RSF1: variants seen among roughly 807,000 people sequenced by gnomAD.
The protein encoded by RSF1 is HBV pX-associated protein 8.
In RSF1, 13 loss-of-function variants were observed where a neutral mutation model predicts 145.2. The ratio of observed to expected loss-of-function variants is 0.09; its 90% CI spans 0.06 to 0.14. The LOEUF (loss-of-function observed/expected upper bound fraction) is 0.14, where lower values mean the gene tolerates loss of function less well. Ranked by LOEUF, RSF1 falls within the 10% of genes least tolerant of loss-of-function variation. The pLI is 1.00. For missense variants in RSF1, 1,517 were observed against 1,718.2 expected (o/e 0.88, Z 2.07); for synonymous variants, 577 against 592.6 (o/e 0.97, Z 0.38).
chr11:77,698,698 T>C lies in RSF1; in HGVS notation c.2509-5A>G. On this transcript the variant is annotated splice_region_variant and splice_polypyrimidine_tract_variant and intron_variant, in intron 6 of 15. Coordinates refer to ENST00000308488, the MANE Select transcript of RSF1 (RefSeq NM_016578.4). Reference sequence around the variant, plus strand: ...AACTTTGCCTTTGGGTTTTACCTTGTATAAAATAAAAAAAATTGGGATAAT... The same window carrying C: ...AACTTTGCCTTTGGGTTTTACCTTGCATAAAATAAAAAAAATTGGGATAAT... 5 of 1,610,948 alleles carry C rather than the reference T, an allele frequency of 3.1e-6. No individual in the cohort carries two copies. Among genetic ancestry groups the C allele is most frequent in the Middle Eastern group, 1.7e-4 (1 of 6,056 alleles).
At chr11:77,762,341 T>A (rs1948184619) in intron 2 of RSF1, 1 of 152,138 alleles carries the variant, frequency 6.6e-6, no homozygotes, top group Non-Finnish European at 1.5e-5. Flanking sequence ...TCTCTCTCTT[T>A]CTCTCTCACT....
the RSF1 span, among the ~76,000 whole-genome samples, chr11:77,851,857 G>T: frequency 6.6e-6 from 1 of 151,972 alleles, no homozygotes; most frequent in Non-Finnish European, 1.5e-5. Context: ...ACCATCTCAG[G>T]TATTTCTTTA....
chr11:77,857,771 AC>A, the RSF1 span, among the ~76,000 whole-genome samples: 119 of 149,668 alleles, frequency 8.0e-4, no homozygotes, highest in African/African-American at 2.7e-3. Context: ...ATCTTGGCTC[AC>A]TGCAGCCTCC....
At chr11:77,723,356 G>A (rs1252491841) in intron 5 of RSF1, among the ~76,000 whole-genome samples, 13 of 152,118 alleles carry the variant, frequency 8.5e-5, no homozygotes, top group Non-Finnish European at 1.6e-4. Flanking sequence ...ATCTACTCAG[G>A]AAAGGCTGAA....
chr11:77,686,052 A>G (rs1959995642), intron 9 of RSF1, among the ~76,000 whole-genome samples: 1 of 152,104 alleles, frequency 6.6e-6, no homozygotes. Context: ...TACAGACTTG[A>G]GCCAATGACA....
At chr11:77,692,138 G>A (rs1200332355) in intron 8 of RSF1, among the ~76,000 whole-genome samples, 1 of 151,174 alleles carries the variant, frequency 6.6e-6, no homozygotes, top group African/African-American at 2.4e-5. Context: ...TGATCTGCCT[G>A]CCTTGGCCTC....
the RSF1 span, chr11:77,869,306 CTTTT>C: frequency 4.4e-4 from 53 of 120,366 alleles, no homozygotes; most frequent in South Asian, 4.4e-4. Context: ...TTATTTATCT[CTTTT>C]TCTTTTTTTT....
intron 5 of RSF1, chr11:77,702,717 G>A: frequency 2.8e-6 from 1 of 353,636 alleles, no homozygotes; most frequent in East Asian, 4.3e-5. Context: ...AAAAATTTAG[G>A]TTTCTGCTTT....
At chr11:77,813,545 C>T (rs1948750732) in intron 1 of RSF1, 2 of 719,828 alleles carry the variant, frequency 2.8e-6, no homozygotes, top group Admixed American at 3.6e-5. Context: ...GATTCTTTGC[C>T]TCTGCTCCTC....
In RSF1 at chr11:77,666,804, A is replaced by G; in HGVS notation, c.*113T>C. ...CAGGATTTGTTGAAATTTTTCTTCTAAAAGTCATTCTGTAGTGGAGTTTTC... is the reference window on the plus strand; with the variant it reads ...CAGGATTTGTTGAAATTTTTCTTCTGAAAGTCATTCTGTAGTGGAGTTTTC... On this transcript the variant is annotated 3_prime_UTR_variant, in exon 16 of 16. Coordinates refer to ENST00000308488, the MANE Select transcript of RSF1 (RefSeq NM_016578.4). 1 of 826,672 alleles carries G rather than the reference A, an allele frequency of 1.2e-6. No individual in the cohort carries two copies. Among genetic ancestry groups the G allele is most frequent in the Non-Finnish European group, 1.8e-6 (1 of 563,016 alleles). 51.2% of individuals were successfully genotyped at this position (826,672 alleles called of 1,614,324 possible). A position where few individuals can be genotyped will look rare whatever the true frequency, so the allele number is the denominator to read the frequency against.
intron 5 of RSF1, among the ~76,000 whole-genome samples, chr11:77,715,119 A>C (rs1202751848): frequency 3.9e-5 from 6 of 152,174 alleles, no homozygotes; most frequent in African/African-American, 1.4e-4. Flanking sequence ...GCAAGACCTT[A>C]TCTCTTAAAA....
chr11:77,738,097 C>T (rs926635846), intron 4 of RSF1, among the ~76,000 whole-genome samples: 1 of 152,198 alleles, frequency 6.6e-6, no homozygotes, highest in Non-Finnish European at 1.5e-5. Flanking sequence ...CCACTGCACT[C>T]CCGCCTGGGC....
intron 14 of RSF1, 59 bp from the exon 15 acceptor site, chr11:77,672,289 T>C (rs1959575701): frequency 7.2e-7 from 1 of 1,382,000 alleles, no homozygotes; most frequent in Admixed American, 2.4e-5. Flanking sequence ...AAATGTAGCT[T>C]AGGTTATAAA....
chr11:77,827,578 A>T, the RSF1 span, among the ~76,000 whole-genome samples: 1 of 152,236 alleles, frequency 6.6e-6, no homozygotes, highest in Non-Finnish European at 1.5e-5. Context: ...AAAATTCAAT[A>T]TTCTTTCATG....
the RSF1 span, among the ~76,000 whole-genome samples, chr11:77,848,583 C>T: frequency 4.6e-5 from 7 of 152,246 alleles, no homozygotes; most frequent in Non-Finnish European, 5.9e-5. Context: ...TGGTCTCGAA[C>T]GCCTGACCTC....
At position 77,667,079 on chromosome 11, in the gene RSF1, A is replaced by C. The variant is rs201485360; in HGVS notation, c.4164T>G (p.Thr1388=). ...TGTCCTTGGGGGTCTGAGACTTCTCAGTAGGCTTGCCAATCAAGTTCTCAA... is the reference window on the plus strand; with the variant it reads ...TGTCCTTGGGGGTCTGAGACTTCTCCGTAGGCTTGCCAATCAAGTTCTCAA... ...KAIENLIGKP[T]EKSQTPKDNS... The change falls in exon 16 of 16, where the codon ACT becomes ACG. Residue 1388 remains threonine, a synonymous_variant. Transcript: ENST00000308488. 6.2e-7 allele frequency: 1 copy of C among 1,614,198 alleles called. No individual in the cohort carries two copies. Among genetic ancestry groups the C allele is most frequent in the East Asian group, 2.2e-5 (1 of 44,880 alleles).
chr11:77,755,626 C>T (rs1386257845), intron 2 of RSF1, among the ~76,000 whole-genome samples: 1 of 151,376 alleles, frequency 6.6e-6, no homozygotes, highest in Non-Finnish European at 1.5e-5. Flanking sequence ...GTTGCCCAGG[C>T]TGGAGTGCCA....
intron 1 of RSF1, among the ~76,000 whole-genome samples, chr11:77,768,161 C>CTTTTTT (rs758401653): frequency 3.3e-5 from 4 of 122,786 alleles, no homozygotes; most frequent in African/African-American, 6.4e-5. Context: ...ATATTATCAG[C>CTTTTTT]TTTTTTTTTT....
At chr11:77,768,161 CTTTT>C (rs758401653) in intron 1 of RSF1, among the ~76,000 whole-genome samples, 4 of 122,810 alleles carry the variant, frequency 3.3e-5, no homozygotes, top group Non-Finnish European at 6.6e-5. Context: ...ATATTATCAG[CTTTT>C]TTTTTTTTTT....
Sources: gnomAD v4.1 joint callset for allele counts (sites outside exome capture counted in the v4.1 genomes callset) on GRCh38, gnomAD v4.1.1 for gene constraint, MANE v1.5 for transcripts, NCBI Gene and HGNC (gene_info 2026-07-23, HGNC 2026-07-21) for gene names.